Variants in ZNF540 observed in about 807,000 individuals in gnomAD.
ZNF540 encodes zinc finger protein 540.
Under a neutral mutation model 11.8 loss-of-function variants are expected in ZNF540, and 3 were observed. That is an observed-to-expected ratio of 0.25 (90% CI 0.12 to 0.65). The LOEUF is 0.65. ZNF540 is among the 30% of genes least tolerant of loss of function. The pLI is 0.83. For missense variants in ZNF540, 709 were observed against 793.1 expected, an observed-to-expected ratio of 0.89 and a Z score of 1.27; for synonymous variants, 247 against 259.0, an observed-to-expected ratio of 0.95 and a Z score of 0.45.
At chr19:37,595,787 G>A (rs547047734) in intron 1 of ZNF540, among the ~76,000 whole-genome samples, 4 of 152,320 alleles carry the variant, frequency 2.6e-5, no homozygotes, top group East Asian at 1.9e-4. Context: ...AAATTGAAAT[G>A]TGGCTGGTTT....
intron 4 of ZNF540, among the ~76,000 whole-genome samples, chr19:37,608,807 A>G (rs768805106): frequency 6.6e-6 from 1 of 152,084 alleles, no homozygotes; most frequent in African/African-American, 2.4e-5. Context: ...TCATTCCTCT[A>G]TATCATTAGG....
intron 1 of ZNF540, among the ~76,000 whole-genome samples, chr19:37,596,358 A>C (rs1364911769): frequency 1.3e-5 from 2 of 152,206 alleles, no homozygotes; most frequent in African/African-American, 2.4e-5. Context: ...GCTGGAGTGC[A>C]GTGGTGCAGT....
At chr19:37,576,765 G>T (rs1402651733) in intron 1 of ZNF540, among the ~76,000 whole-genome samples, 1 of 152,162 alleles carries the variant, frequency 6.6e-6, no homozygotes, top group Non-Finnish European at 1.5e-5. Context: ...AAACTGGGAA[G>T]AAATACCCCA....
At chr19:37,570,362 A>G (rs1216426381) in intron 1 of ZNF540, among the ~76,000 whole-genome samples, 1 of 152,042 alleles carries the variant, frequency 6.6e-6, no homozygotes, top group Non-Finnish European at 1.5e-5. Flanking sequence ...CTTTGAGCAC[A>G]CTACTTGGCC....
intron 4 of ZNF540, among the ~76,000 whole-genome samples, chr19:37,603,574 G>A (rs1034832360): frequency 8.5e-5 from 13 of 152,164 alleles, no homozygotes; most frequent in Admixed American, 7.2e-4. Context: ...AGTTATGTTT[G>A]AGGTGAAAGA....
At chr19:37,558,273 T>C (rs1285269872) in intron 1 of ZNF540, among the ~76,000 whole-genome samples, 1 of 152,204 alleles carries the variant, frequency 6.6e-6, no homozygotes, top group Non-Finnish European at 1.5e-5. Context: ...AAAAACCTTT[T>C]GGGCTATTTC....
At chr19:37,588,728 A>C (rs1253056199) in intron 1 of ZNF540, among the ~76,000 whole-genome samples, 1 of 152,218 alleles carries the variant, frequency 6.6e-6, no homozygotes, top group Non-Finnish European at 1.5e-5. Flanking sequence ...TTTTATTTTT[A>C]AAAAGTTGGA....
intron 1 of ZNF540, among the ~76,000 whole-genome samples, chr19:37,556,314 G>A (rs2147137347): frequency 6.6e-6 from 1 of 152,326 alleles, no homozygotes; most frequent in East Asian, 1.9e-4. Context: ...AAACAAACAA[G>A]TGAGGTAGAT....
In ZNF540 at chr19:37,613,655, A is replaced by G; in HGVS notation, c.*392A>G. The G allele has an allele frequency of 5.0e-6, 2 of 397,128 alleles. No individual in the cohort carries two copies. Among genetic ancestry groups the G allele is most frequent in the Non-Finnish European group, 8.9e-6 (2 of 225,754 alleles). 24.6% of individuals were successfully genotyped at this position (397,128 alleles called of 1,614,324 possible). A position where few individuals can be genotyped will look rare whatever the true frequency, so the allele number is the denominator to read the frequency against. On this transcript the variant is annotated 3_prime_UTR_variant, in exon 5 of 5. Coordinates refer to ENST00000316433, the MANE Select transcript of ZNF540 (RefSeq NM_001172225.3). ...AAACTGCTTTGGATTAATATTGGAT[A>G]TTACTGTTTTTATTATCATCAACAT...
Position 37,613,849 on chromosome 19 carries a change from G to A in ZNF540, c.*586G>A, listed in dbSNP as rs963043782. 2 of 398,458 alleles carry A rather than the reference G, an allele frequency of 5.0e-6. No homozygotes were observed. Among genetic ancestry groups the A allele is most frequent in the African/African-American group, 2.1e-5 (1 of 48,594 alleles). The allele number at this position is 398,458 out of a possible 1,614,324, so 24.7% of individuals were successfully genotyped here. ...TTGAAACACGAATCCCAAGGTGATG[G>A]TATTTGAAGGTAGGGCCTTTAGGAG... On this transcript the variant is annotated 3_prime_UTR_variant, in exon 5 of 5. Coordinates refer to ENST00000316433, the MANE Select transcript of ZNF540 (RefSeq NM_001172225.3).
chr19:37,591,337 C>T (rs908662659), upstream of ZNF540, among the ~76,000 whole-genome samples: 28 of 152,130 alleles, frequency 1.8e-4, no homozygotes, highest in African/African-American at 6.8e-4. Context: ...CAGAAAGACA[C>T]AGAACTGCCT....
intron 1 of ZNF540, chr19:37,556,086 A>G (rs1409227034): frequency 4.3e-6 from 3 of 702,622 alleles, no homozygotes; most frequent in Non-Finnish European, 7.8e-6. Flanking sequence ...GGAGTGTCCA[A>G]ATCCTGCTGC....
chr19:37,599,645 A>T lies in ZNF540; in HGVS notation c.29A>T (p.Asp10Val). 6.2e-7 allele frequency: 1 copy of T among 1,614,054 alleles called. No individual in the cohort carries two copies. The change falls in exon 3 of 5, where the codon GAT becomes GTT. Residue 10 changes from aspartate (D) to valine (V), a missense_variant. By Grantham distance (152) the Asp-to-Val change is radical (BLOSUM62 -3). Transcript: ENST00000316433. MAHALVTFR[D>V]VAIDFSQKEW... ...TTTCAGGCATTGGTGACGTTCAGGG[A>T]TGTGGCTATAGACTTCTCTCAGAAG...
At position 37,573,635 on chromosome 19, in the gene ZNF540, T is replaced by TG. The variant is rs1211419804; in HGVS notation, c.-73+21973dup. Reference sequence around the variant, plus strand: ...TGGACCCAGAAGTGCAAGACCAGCCTGGGCAACACAGTAGACACAGACCTT... The same window carrying TG: ...TGGACCCAGAAGTGCAAGACCAGCCTGGGGCAACACAGTAGACACAGACCTT... On this transcript the variant is annotated intron_variant, in intron 1 of 4. Coordinates refer to the ZNF540 transcript ENST00000592533. 2.8e-5 allele frequency among the ~76,000 whole-genome samples: 4 copies of TG among 144,080 alleles called. No homozygotes were observed. The East Asian group carries it at 8.1e-4, about 29-fold the overall frequency. The allele number at this position is 144,080 out of a possible 152,430, so 94.5% of individuals were successfully genotyped here.
At chr19:37,589,565 T>C (rs2043802660) in intron 1 of ZNF540, among the ~76,000 whole-genome samples, 1 of 151,984 alleles carries the variant, frequency 6.6e-6, no homozygotes, top group African/African-American at 2.4e-5. Context: ...GAAACGAAAT[T>C]GAGAAGACTT....
Position 37,583,729 on chromosome 19 carries a change from AG to A in ZNF540, c.-72-14643del, listed in dbSNP as rs140164355. On this transcript the variant is annotated intron_variant, in intron 1 of 4. Transcript: ENST00000592533. ...AAAGGAAATGGTGCATGGTCATGCT[AG>A]GGGATTCCCAGATTCAAATCTAGTC... The A allele has an allele frequency of 4.7e-3, 1,883 of 397,188 alleles. 34 individuals carry two copies. Among genetic ancestry groups the A allele is most frequent in the African/African-American group, 0.036 (1,761 of 48,776 alleles). 24.6% of individuals were successfully genotyped at this position (397,188 alleles called of 1,614,324 possible). A position where few individuals can be genotyped will look rare whatever the true frequency, so the allele number is the denominator to read the frequency against.
chr19:37,558,149 C>G (rs1482402098), intron 1 of ZNF540, among the ~76,000 whole-genome samples: 3 of 152,208 alleles, frequency 2.0e-5, no homozygotes, highest in Non-Finnish European at 4.4e-5. Flanking sequence ...CCATTTCATT[C>G]TGTACCTCTT....
rs2044034757 is a variant in ZNF540 at position 37,601,000 on chromosome 19, T to G, written c.137-10T>G. On this transcript the variant is annotated splice_polypyrimidine_tract_variant and intron_variant, in intron 3 of 4. Coordinates refer to ENST00000316433, the MANE Select transcript of ZNF540 (RefSeq NM_001172225.3). ...TTCTATATATTCTTTTATTTCTTTC[T>G]TGTAAGCAGGATATTCTGGCTCAAA... 1.3e-6 allele frequency: 2 copies of G among 1,561,134 alleles called. No individual in the cohort carries two copies.
At chr19:37,565,448 C>G in intron 1 of ZNF540, 1 of 1,613,060 alleles carries the variant, frequency 6.2e-7, no homozygotes, top group Non-Finnish European at 8.5e-7. Flanking sequence ...AGTATGAACT[C>G]TCTGATGGTA....
Sources: gnomAD v4.1 joint callset for allele counts (sites outside exome capture counted in the v4.1 genomes callset) on GRCh38, gnomAD v4.1.1 for gene constraint, MANE v1.5 for transcripts, NCBI Gene and HGNC (gene_info 2026-07-23, HGNC 2026-07-21) for gene names.